DNAH5: variants seen among roughly 807,000 people sequenced by gnomAD.
DNAH5 encodes the protein axonemal beta dynein heavy chain 5.
Under a neutral mutation model 518.2 loss-of-function variants are expected in DNAH5, and 372 were observed. The ratio of observed to expected loss-of-function variants is 0.72; its 90% confidence interval spans 0.66 to 0.78. DNAH5 has a LOEUF of 0.78. Ranked by LOEUF, DNAH5 falls within the 30% of genes least tolerant of loss-of-function variation. DNAH5 has a pLI of 0.00. For missense variants in DNAH5, 5,523 were observed against 5,687.0 expected, an observed-to-expected ratio of 0.97 and a Z score of 0.93; for synonymous variants, 2,039 against 2,025.9, an observed-to-expected ratio of 1.01 and a Z score of -0.17.
intron 1 of DNAH5, chr5:13,931,897 G>A (rs960104456): frequency 2.6e-5 from 4 of 154,594 alleles, no homozygotes; most frequent in African/African-American, 9.7e-5. Context: ...AATGCATCAC[G>A]GACTTCTTTC....
intron 76 of DNAH5, among the ~76,000 whole-genome samples, chr5:13,703,722 C>T (rs138691145): frequency 1.4e-3 from 208 of 152,240 alleles, no homozygotes; most frequent in Middle Eastern, 3.4e-3. Flanking sequence ...TTTCATATAA[C>T]ATTCCAAGAT....
intron 68 of DNAH5, among the ~76,000 whole-genome samples, chr5:13,732,224 AATTT>A (rs776852359): frequency 5.3e-5 from 8 of 152,090 alleles, no homozygotes; most frequent in Admixed American, 1.3e-4. Context: ...CAACAACTGA[AATTT>A]ATTTATCACA....
chr5:14,010,311 C>T (rs2582690), intron 1 of DNAH5, among the ~76,000 whole-genome samples: 8,718 of 152,070 alleles, frequency 0.057, 857 homozygotes, highest in African/African-American at 0.2. Context: ...AAGTTCAACT[C>T]GAACAGACCA....
At position 13,769,617 on chromosome 5, in the gene DNAH5, T is replaced by G. The variant is rs755550738; in HGVS notation, c.9606-2A>C. ...AGCTTTTCCAATCCAGTATTCATTCTGGGATTGAAAATCCAAGCAAGCAAT... is the reference window on the plus strand; with the variant it reads ...AGCTTTTCCAATCCAGTATTCATTCGGGGATTGAAAATCCAAGCAAGCAAT... On this transcript the variant is annotated splice_acceptor_variant, in intron 56 of 78. Coordinates refer to ENST00000265104, the MANE Select transcript of DNAH5 (RefSeq NM_001369.3). LOFTEE classifies it high-confidence loss of function. 6.2e-7 allele frequency: 1 copy of G among 1,612,594 alleles called. No individual in the cohort carries two copies. Among genetic ancestry groups the G allele is most frequent in the Non-Finnish European group, 8.5e-7 (1 of 1,178,588 alleles).
At chr5:13,844,320 A>G (rs1001792199) in intron 32 of DNAH5, among the ~76,000 whole-genome samples, 79 of 152,324 alleles carry the variant, frequency 5.2e-4, no homozygotes, top group African/African-American at 1.9e-3. Context: ...ATTTGGGTGG[A>G]GGGATGGATT....
intron 66 of DNAH5, among the ~76,000 whole-genome samples, chr5:13,736,191 AC>A (rs1234687420): frequency 5.3e-5 from 8 of 152,190 alleles, no homozygotes; most frequent in Admixed American, 2.6e-4. Flanking sequence ...ACAATATTTT[AC>A]TATTTTTACT....
intron 17 of DNAH5, among the ~76,000 whole-genome samples, chr5:13,886,609 TGGA>T (rs1485465880): frequency 6.6e-6 from 1 of 152,200 alleles, no homozygotes; most frequent in Non-Finnish European, 1.5e-5. Context: ...TGATCAATTC[TGGA>T]GGAGATTAGG....
chr5:13,823,131 G>A, intron 40 of DNAH5, 132 bp downstream of exon 40: 1 of 769,558 alleles, frequency 1.3e-6, no homozygotes, highest in East Asian at 2.4e-5. Context: ...CCTTAAGACA[G>A]CAGTGTTAGC....
intron 68 of DNAH5, among the ~76,000 whole-genome samples, chr5:13,734,191 C>T (rs1299499224): frequency 6.6e-6 from 1 of 152,136 alleles, no homozygotes; most frequent in African/African-American, 2.4e-5. Flanking sequence ...TGTGAAGATG[C>T]AATGAGAAGA....
rs963962730 is a variant in DNAH5, at chr5:13,912,303, G to C, written c.1537-810C>G. Among the ~76,000 whole-genome samples, 3 of 151,880 alleles carry C rather than the reference G, an allele frequency of 2.0e-5. No homozygotes were observed. The East Asian group carries it at 5.8e-4, about 29-fold the overall frequency. On this transcript the variant is annotated intron_variant, in intron 11 of 78. Transcript: ENST00000265104. ...CATTTAAACATCAAATCTCTCAATA[G>C]ACAAAAGTGTATAAACAGCATAACT... is the stretch of plus-strand genomic sequence containing the variant.
At chr5:13,842,017 T>C in intron 32 of DNAH5, 113 bp from the exon 33 acceptor site, 1 of 692,120 alleles carries the variant, frequency 1.4e-6, no homozygotes, top group Non-Finnish European at 2.4e-6. Flanking sequence ...TATAAAATAC[T>C]GTAAAAGCCA....
intron 42 of DNAH5, 90 bp from the exon 43 acceptor site, chr5:13,814,936 T>C (rs1761255603): frequency 4.2e-6 from 5 of 1,194,496 alleles, no homozygotes; most frequent in Admixed American, 2.2e-5. Flanking sequence ...AGAACTATTA[T>C]ATTAGATGTA....
At chr5:13,759,092 T>C (rs1305188677) in intron 60 of DNAH5, 109 bp from the exon 61 acceptor site, 2 of 1,440,614 alleles carry the variant, frequency 1.4e-6, no homozygotes, top group Non-Finnish European at 1.9e-6. Context: ...CTTTGCTTTG[T>C]TCCCGCTCCA....
intron 1 of DNAH5, among the ~76,000 whole-genome samples, chr5:14,005,503 G>A (rs932662365): frequency 2.6e-5 from 4 of 152,160 alleles, no homozygotes; most frequent in Non-Finnish European, 4.4e-5. Context: ...TGTGCCTGTG[G>A]CCAGGAATTC....
In DNAH5 at chr5:13,707,582, A is replaced by G. The variant is rs2126451698; in HGVS notation, c.13338+541T>C. The stretch of plus-strand genomic sequence containing the variant: ...GCCCCTCTGCATGCTCCCCCTAGGG[A>G]TTTCAGCAGCAGGGCACAGAAAACC... On this transcript the variant is annotated intron_variant, in intron 76 of 78. Transcript: ENST00000265104. This position sits in a 1 kb window ranked among gnomAD's most constrained non-coding sequence, Gnocchi z 4.0. Among the ~76,000 whole-genome samples the G allele has an allele frequency of 6.6e-6, 1 of 152,202 alleles. No homozygotes were observed. Among genetic ancestry groups the G allele is most frequent in the East Asian group, 1.9e-4 (1 of 5,162 alleles).
In DNAH5 at chr5:13,830,730, TC is replaced by T. The variant is rs1233412023; in HGVS notation, c.5927del (p.Gly1976GlufsTer78). On this transcript the variant is annotated frameshift_variant, in exon 36 of 79. Coordinates refer to ENST00000265104, the MANE Select transcript of DNAH5 (RefSeq NM_001369.3). LOFTEE classifies it high-confidence loss of function. ...LAQALGMSMG[G>X]APAGPAGTGK... ...CTGTGCCTGCAGGTCCAGCAGGGGC[TC>T]CCCCCATGCTCATTCCCAGAGCTTG... The T allele has an allele frequency of 6.2e-7, 1 of 1,613,664 alleles. No individual in the cohort carries two copies. The highest frequency in any genetic ancestry group is 8.5e-7 in the Non-Finnish European group (1 of 1,179,948).
intron 55 of DNAH5, among the ~76,000 whole-genome samples, chr5:13,773,428 G>A (rs1277418801): frequency 6.6e-6 from 1 of 152,024 alleles, no homozygotes; most frequent in Non-Finnish European, 1.5e-5. Context: ...AGTGTGAAAG[G>A]ATAAGGATGA....
At chr5:13,810,778 A>AC (rs1760581028) in intron 44 of DNAH5, among the ~76,000 whole-genome samples, 1 of 151,620 alleles carries the variant, frequency 6.6e-6, no homozygotes, top group Admixed American at 6.6e-5. Context: ...ACAAACAAAA[A>AC]AACAGGGTTT....
At chr5:14,009,960 A>G (rs1388505274) in intron 1 of DNAH5, among the ~76,000 whole-genome samples, 1 of 152,234 alleles carries the variant, frequency 6.6e-6, no homozygotes, top group African/African-American at 2.4e-5. Context: ...TATATTCATT[A>G]TAGAAATGTT....
Sources: allele counts gnomAD v4.1 joint callset (sites outside exome capture counted in the v4.1 genomes callset), GRCh38; gene constraint gnomAD v4.1.1; non-coding constraint Gnocchi (gnomAD v3.1); transcripts MANE v1.5; gene names NCBI Gene and HGNC (gene_info 2026-07-23, HGNC 2026-07-21).